The following GRM7 variants were observed in gnomAD, a reference collection of about 807,000 sequenced individuals.
GRM7 encodes the protein glutamate metabotropic receptor 7.
GRM7 carries 35 observed loss-of-function variants against 84.5 expected under a neutral mutation model. That is an observed-to-expected ratio of 0.41 (90% CI 0.32 to 0.55). The LOEUF (loss-of-function observed/expected upper bound fraction) is 0.55. Among genes scored for constraint, GRM7 ranks in the 20% least tolerant of loss-of-function variants. GRM7 has a pLI of 0.19. For synonymous variants in GRM7, 487 were observed against 455.1 expected (o/e 1.07, Z -0.89); for missense variants, 1,003 against 1,194.6 (o/e 0.84, Z 2.36).
At chr3:7,242,926 A>G (rs1480416344) in intron 2 of GRM7, among the ~76,000 whole-genome samples, 3 of 152,156 alleles carry the variant, frequency 2.0e-5, no homozygotes, top group Non-Finnish European at 4.4e-5. Context: ...ATGTGGAGCC[A>G]TAAAATAGTG....
At chr3:6,974,253 A>G (rs1004787234) in intron 1 of GRM7, among the ~76,000 whole-genome samples, 2 of 152,158 alleles carry the variant, frequency 1.3e-5, no homozygotes, top group African/African-American at 4.8e-5. Context: ...GGGGGTAGCA[A>G]CTGGGGAAAG....
intron 8 of GRM7, among the ~76,000 whole-genome samples, chr3:7,603,945 T>C (rs961325096): frequency 6.6e-6 from 1 of 152,194 alleles, no homozygotes; most frequent in Non-Finnish European, 1.5e-5. Flanking sequence ...ACACAAAAGT[T>C]GGCTTTTGCC....
intron 9 of GRM7, among the ~76,000 whole-genome samples, chr3:7,727,625 G>A (rs1301025888): frequency 1.3e-5 from 2 of 152,146 alleles, no homozygotes; most frequent in South Asian, 2.1e-4. Context: ...AGAAGCCTAT[G>A]TATGAGAAGT....
intron 5 of GRM7, among the ~76,000 whole-genome samples, chr3:7,429,122 G>A (rs1259270278): frequency 6.6e-6 from 1 of 152,116 alleles, no homozygotes; most frequent in Non-Finnish European, 1.5e-5. Flanking sequence ...CCTGACACAA[G>A]TGACTTTGCA....
At chr3:7,563,655 A>G (rs953222397) in intron 7 of GRM7, among the ~76,000 whole-genome samples, 8 of 152,220 alleles carry the variant, frequency 5.3e-5, no homozygotes, top group Non-Finnish European at 1.2e-4. Flanking sequence ...AGGGAAGCCC[A>G]ATCACTGCCC....
intron 7 of GRM7, among the ~76,000 whole-genome samples, chr3:7,564,826 G>A (rs181807892): frequency 6.6e-6 from 1 of 152,094 alleles, no homozygotes; most frequent in African/African-American, 2.4e-5. Flanking sequence ...GCCAGGCTTT[G>A]AACCCAGGAC....
intron 1 of GRM7, among the ~76,000 whole-genome samples, chr3:6,887,865 T>G (rs1695763814): frequency 6.6e-6 from 1 of 152,242 alleles, no homozygotes; most frequent in Admixed American, 6.5e-5. Context: ...AAAGCATTCC[T>G]ATTTCTCCAC....
At chr3:7,035,735 A>G (rs1398062321) in intron 1 of GRM7, among the ~76,000 whole-genome samples, 2 of 152,156 alleles carry the variant, frequency 1.3e-5, no homozygotes, top group Non-Finnish European at 2.9e-5. Flanking sequence ...CCCAGCTAAG[A>G]CACAAATGTG....
intron 1 of GRM7, among the ~76,000 whole-genome samples, chr3:7,065,536 TC>T (rs2124976218): frequency 6.6e-6 from 1 of 152,048 alleles, no homozygotes; most frequent in South Asian, 2.1e-4. Flanking sequence ...TCTATTCTCT[TC>T]CATTGGTCTA....
intron 2 of GRM7, among the ~76,000 whole-genome samples, chr3:7,159,472 A>G (rs1031628838): frequency 1.3e-5 from 2 of 152,138 alleles, no homozygotes; most frequent in African/African-American, 2.4e-5. Flanking sequence ...GCTTCATTCT[A>G]TGTTTTATGG....
intron 1 of GRM7, among the ~76,000 whole-genome samples, chr3:6,995,416 C>T (rs1222198179): frequency 6.6e-6 from 1 of 152,152 alleles, no homozygotes; most frequent in African/African-American, 2.4e-5. Flanking sequence ...AGCCCATGAG[C>T]CATAATGTAC....
At chr3:7,221,045 C>A (rs1001251997) in intron 2 of GRM7, among the ~76,000 whole-genome samples, 5 of 151,242 alleles carry the variant, frequency 3.3e-5, no homozygotes, top group Non-Finnish European at 5.9e-5. Flanking sequence ...TGCAATGAGC[C>A]GAGATCACAC....
intron 1 of GRM7, among the ~76,000 whole-genome samples, chr3:6,880,862 T>C (rs1193783515): frequency 6.6e-6 from 1 of 152,232 alleles, no homozygotes; most frequent in Non-Finnish European, 1.5e-5. Flanking sequence ...GTTAATTAAC[T>C]TGAAAGGTAA....
chr3:7,106,791 T>C (rs912724996), intron 1 of GRM7, among the ~76,000 whole-genome samples: 8 of 152,060 alleles, frequency 5.3e-5, no homozygotes, highest in African/African-American at 1.9e-4. Context: ...CTAAGGCAAA[T>C]GCATATTGCG....
intron 5 of GRM7, among the ~76,000 whole-genome samples, chr3:7,440,184 T>C (rs1423454949): frequency 1.3e-5 from 2 of 152,144 alleles, no homozygotes; most frequent in Admixed American, 1.3e-4. Flanking sequence ...TTTCTGAGAA[T>C]GTTCTAGAGG....
intron 2 of GRM7, among the ~76,000 whole-genome samples, chr3:7,295,161 C>T (rs1217148908): frequency 2.0e-5 from 3 of 152,092 alleles, no homozygotes; most frequent in Admixed American, 6.6e-5. Context: ...GGTGTATTAT[C>T]CATTTAGAGT....
intron 2 of GRM7, among the ~76,000 whole-genome samples, chr3:7,184,760 G>T (rs890087930): frequency 1.3e-5 from 2 of 152,056 alleles, no homozygotes; most frequent in Admixed American, 1.3e-4. Flanking sequence ...TATGAACAAT[G>T]TTGTGGCGGA....
In GRM7 at chr3:7,090,223, G is replaced by T. The variant is rs141368422; in HGVS notation, c.520-56229G>T. Among the ~76,000 whole-genome samples, 227 of 152,292 alleles carry T rather than the reference G, an allele frequency of 1.5e-3. 1 individual carries two copies. Among genetic ancestry groups the T allele is most frequent in the African/African-American group, 5.4e-3 (223 of 41,568 alleles). On this transcript the variant is annotated intron_variant, in intron 1 of 9. Coordinates refer to ENST00000357716, the MANE Select transcript of GRM7 (RefSeq NM_000844.4). ...AAAAGGAATAAGCATGTGGTAAGTA[G>T]AATTTGAGAACAGTGATGTGAAAAT...
chr3:7,476,320 G>A (rs539323588), intron 7 of GRM7, among the ~76,000 whole-genome samples: 32 of 152,292 alleles, frequency 2.1e-4, no homozygotes, highest in Admixed American at 5.2e-4. Context: ...GGCTGAAGCG[G>A]GAGGATAACA....
Sources: allele counts gnomAD v4.1 joint callset (sites outside exome capture counted in the v4.1 genomes callset), GRCh38; gene constraint gnomAD v4.1.1; transcripts MANE v1.5; gene names NCBI Gene and HGNC (gene_info 2026-07-23, HGNC 2026-07-21).